Variants in OR51B5 observed in about 807,000 individuals in gnomAD.
OR51B5 encodes the protein olfactory receptor family 51 subfamily B member 5.
For missense variants in OR51B5, 456 were observed against 374.6 expected (o/e 1.22, Z -1.79); for synonymous variants, 186 against 144.8 (o/e 1.28, Z -2.04).
chr11:5,418,733 T>G (rs1255606430), intron 1 of OR51B5, among the ~76,000 whole-genome samples: 10 of 137,798 alleles, frequency 7.3e-5, no homozygotes, highest in South Asian at 2.6e-4. Context: ...TATCGGGGGA[T>G]GGGGGGTTAG....
At chr11:5,440,731 T>C (rs1850667908) in intron 1 of OR51B5, 11 of 1,613,990 alleles carry the variant, frequency 6.8e-6, no homozygotes, top group Non-Finnish European at 9.3e-6. Context: ...CGGTGAATCA[T>C]GGAGACAGCA....
intron 1 of OR51B5, among the ~76,000 whole-genome samples, chr11:5,477,364 C>T (rs1380602805): frequency 6.6e-6 from 1 of 152,176 alleles, no homozygotes; most frequent in African/African-American, 2.4e-5. Flanking sequence ...GTGGGCACCA[C>T]AATCCTACCG....
chr11:5,468,043 A>G (rs1463514789), intron 1 of OR51B5, among the ~76,000 whole-genome samples: 1 of 152,240 alleles, frequency 6.6e-6, no homozygotes, highest in East Asian at 1.9e-4. Context: ...GGTCACAGCT[A>G]TTACATATCT....
chr11:5,411,828 T>C (rs1055259040), intron 1 of OR51B5, among the ~76,000 whole-genome samples: 2 of 152,192 alleles, frequency 1.3e-5, no homozygotes, highest in Non-Finnish European at 2.9e-5. Flanking sequence ...GGACTCAGCC[T>C]GAAGTTGCTG....
At chr11:5,396,127 C>A (rs1166377603) in intron 1 of OR51B5, among the ~76,000 whole-genome samples, 2 of 152,186 alleles carry the variant, frequency 1.3e-5, no homozygotes, top group Admixed American at 6.6e-5. Flanking sequence ...CTTAACCACA[C>A]TGCACTGCCT....
chr11:5,480,802 A>C (rs1385399848), intron 1 of OR51B5, among the ~76,000 whole-genome samples: 1 of 133,766 alleles, frequency 7.5e-6, no homozygotes, highest in African/African-American at 2.7e-5. Context: ...CCCAAGACTA[A>C]ACCAGGAAGA....
At chr11:5,368,459 A>AC (rs34487226) in intron 1 of OR51B5, among the ~76,000 whole-genome samples, 35,990 of 146,956 alleles carry the variant, frequency 0.24, 4,480 homozygotes, top group Non-Finnish European at 0.27. Flanking sequence ...TATAGAAATC[A>AC]TTGCTATTAT....
chr11:5,440,890 A>C, intron 1 of OR51B5: 1 of 1,613,784 alleles, frequency 6.2e-7, no homozygotes, highest in Non-Finnish European at 8.5e-7. Flanking sequence ...TCCATACCAT[A>C]GGTAAAAATG....
intron 1 of OR51B5, among the ~76,000 whole-genome samples, chr11:5,501,878 T>C (rs1846296180): frequency 7.9e-6 from 1 of 126,404 alleles, no homozygotes; most frequent in Non-Finnish European, 1.9e-5. Context: ...GAACTGGTCA[T>C]TTACATTAGG....
At chr11:5,462,462 G>A (rs1851071529) in intron 1 of OR51B5, among the ~76,000 whole-genome samples, 1 of 152,278 alleles carries the variant, frequency 6.6e-6, no homozygotes, top group South Asian at 2.1e-4. Flanking sequence ...ACCACAAAGA[G>A]GTCCTGACCT....
At chr11:5,466,374 C>A (rs1440046804) in intron 1 of OR51B5, among the ~76,000 whole-genome samples, 14 of 152,094 alleles carry the variant, frequency 9.2e-5, no homozygotes, top group Admixed American at 9.2e-4. Context: ...TCGCTCTTCC[C>A]ATTCATATGC....
intron 1 of OR51B5, among the ~76,000 whole-genome samples, chr11:5,493,071 G>T (rs1431523853): frequency 6.6e-6 from 1 of 152,140 alleles, no homozygotes; most frequent in South Asian, 2.1e-4. Context: ...ATGGCTGAAT[G>T]GAAAAGACAT....
intron 1 of OR51B5, among the ~76,000 whole-genome samples, chr11:5,394,876 A>G (rs544238923): frequency 6.6e-6 from 1 of 152,326 alleles, no homozygotes; most frequent in South Asian, 2.1e-4. Context: ...AAAGCTTGTG[A>G]TCTTTACATA....
chr11:5,489,233 T>C (rs1233881062), intron 1 of OR51B5: 1 of 1,614,044 alleles, frequency 6.2e-7, no homozygotes, highest in Admixed American at 1.7e-5. Flanking sequence ...GGTCACCGTG[T>C]CATGACACAC....
chr11:5,463,571 G>A lies in OR51B5; in HGVS notation n.84+41998C>T, dbSNP rs1851091125. ...TCAATCCCAGTTTTAAAACACTGAA[G>A]ATATTTTGGGGAGTGGATATAATTC... On this transcript the variant is annotated intron_variant and non_coding_transcript_variant, in intron 1 of 4. Coordinates refer to the OR51B5 transcript ENST00000415970. Among the ~76,000 whole-genome samples the A allele has an allele frequency of 2.0e-5, 3 of 152,150 alleles. No individual in the cohort carries two copies. The South Asian group carries it at 6.2e-4, about 32-fold the overall frequency.
intron 1 of OR51B5, among the ~76,000 whole-genome samples, chr11:5,368,954 G>T (rs1849412995): frequency 6.6e-6 from 1 of 152,110 alleles, no homozygotes; most frequent in Non-Finnish European, 1.5e-5. Context: ...TTACAGATCT[G>T]ATTACACCCA....
At chr11:5,450,602 A>G (rs7938426) in intron 1 of OR51B5, among the ~76,000 whole-genome samples, 71,552 of 151,940 alleles carry the variant, frequency 0.47, 17,102 homozygotes, top group Non-Finnish European at 0.5. Flanking sequence ...ATTTGTGTTC[A>G]GCCTTGGAGA....
At chr11:5,342,740 A>G in exon 1 of OR51B5, 3 of 1,613,946 alleles carry the variant, frequency 1.9e-6, no homozygotes, top group Non-Finnish European at 2.5e-6. Flanking sequence ...CTGCTTTCCA[A>G]AACGATGAAT....
chr11:5,428,866 T>G (rs1292483955), intron 1 of OR51B5, among the ~76,000 whole-genome samples: 1 of 152,200 alleles, frequency 6.6e-6, no homozygotes, highest in Non-Finnish European at 1.5e-5. Context: ...GACTACAGGA[T>G]TAGAAATAAG....
Sources: gnomAD v4.1 joint callset for allele counts (sites outside exome capture counted in the v4.1 genomes callset) on GRCh38, gnomAD v4.1.1 for gene constraint, MANE v1.5 for transcripts, NCBI Gene and HGNC (gene_info 2026-07-23, HGNC 2026-07-21) for gene names.